CPPED1: variants seen among roughly 807,000 people sequenced by gnomAD.
The protein encoded by CPPED1 is serine/threonine-protein phosphatase CPPED1.
Under a neutral mutation model 28.0 loss-of-function variants are expected in CPPED1, and 28 were observed. The ratio of observed to expected loss-of-function variants is 1.00; its 90% CI spans 0.74 to 1.37. The LOEUF (loss-of-function observed/expected upper bound fraction) is 1.37, where lower values mean the gene tolerates loss of function less well. CPPED1 is among the 40% of genes most tolerant of loss of function. The pLI, the probability that CPPED1 is intolerant of heterozygous loss-of-function variation, is 0.00. For synonymous variants in CPPED1, 198 were observed against 180.2 expected, an observed-to-expected ratio of 1.10 and a Z score of -0.79; for missense variants, 504 against 416.5, an observed-to-expected ratio of 1.21 and a Z score of -1.83.
chr16:12,665,050 T>C lies in CPPED1; in HGVS notation c.781A>G (p.Met261Val). 6.2e-7 allele frequency: 1 copy of C among 1,610,142 alleles called. No homozygotes were observed. The highest frequency in any genetic ancestry group is 8.5e-7 in the Non-Finnish European group (1 of 1,178,818). Reference sequence around the variant, plus strand: ...CATCCAATGGCAGATGACACCACCATGTCGAGGTTCTGGTAGGTACCCCCG... The same window carrying C: ...CATCCAATGGCAGATGACACCACCACGTCGAGGTTCTGGTAGGTACCCCCG... The part of the protein sequence containing the change: ...NAGGTYQNLD[M>V]VVSSAIGCQL... The change falls in exon 4 of 4, where the codon ATG becomes GTG. Residue 261 changes from methionine to valine, a missense_variant. By Grantham distance (21) the Met-to-Val change is conservative. Coordinates refer to ENST00000381774, the MANE Select transcript of CPPED1 (RefSeq NM_018340.3).
chr16:12,707,382 C>T (rs2080057016), intron 2 of CPPED1, among the ~76,000 whole-genome samples: 1 of 152,108 alleles, frequency 6.6e-6, no homozygotes, highest in Non-Finnish European at 1.5e-5. Flanking sequence ...CTCTGGACAC[C>T]CAGTGGAGGA....
In CPPED1 at chr16:12,681,454, A is replaced by G. The variant is rs182848913; in HGVS notation, c.716-16339T>C. ...TGTAAAAAATCAATCTCTGTTCTTT[A>G]TAAATTACCCAGGCTCAGGTATTCT... is the stretch of plus-strand genomic sequence containing the variant. On this transcript the variant is annotated intron_variant, in intron 3 of 3. Coordinates refer to ENST00000381774, the MANE Select transcript of CPPED1 (RefSeq NM_018340.3). 2.0e-5 allele frequency among the ~76,000 whole-genome samples: 3 copies of G among 152,316 alleles called. No homozygotes were observed. The East Asian group carries it at 5.8e-4, about 29-fold the overall frequency.
At chr16:12,674,084 C>T (rs1263397244) in intron 3 of CPPED1, among the ~76,000 whole-genome samples, 1 of 152,072 alleles carries the variant, frequency 6.6e-6, no homozygotes, top group Non-Finnish European at 1.5e-5. Context: ...ATGAGAGAAA[C>T]TACTAGTGAG....
chr16:12,773,316 T>C (rs7188368), intron 2 of CPPED1, among the ~76,000 whole-genome samples: 2,784 of 152,332 alleles, frequency 0.018, 79 homozygotes, highest in African/African-American at 0.064. Flanking sequence ...CTTTAAATGC[T>C]GAGCATGTGT....
At chr16:12,668,799 C>G (rs780817960) in intron 3 of CPPED1, among the ~76,000 whole-genome samples, 1 of 152,200 alleles carries the variant, frequency 6.6e-6, no homozygotes, top group Non-Finnish European at 1.5e-5. Flanking sequence ...CATAGCCACT[C>G]GGATGGCTGT....
chr16:12,763,807 G>C (rs1317786896), intron 2 of CPPED1, among the ~76,000 whole-genome samples: 1 of 152,158 alleles, frequency 6.6e-6, no homozygotes, highest in African/African-American at 2.4e-5. Context: ...GTTCTGGCAG[G>C]ACTTCGGACA....
At chr16:12,781,448 T>A (rs2080531470) in intron 1 of CPPED1, 45 bp from the exon 2 acceptor site, 1 of 1,578,496 alleles carries the variant, frequency 6.3e-7, no homozygotes, top group Non-Finnish European at 8.6e-7. Flanking sequence ...TCTTGTAAAA[T>A]CTGTCATAAA....
At chr16:12,668,360 G>T (rs2079836645) in intron 3 of CPPED1, among the ~76,000 whole-genome samples, 2 of 152,094 alleles carry the variant, frequency 1.3e-5, no homozygotes, top group African/African-American at 4.8e-5. Context: ...GAGTTTGGTG[G>T]AAACTTAAAG....
chr16:12,684,135 G>A (rs2079920427), intron 3 of CPPED1, among the ~76,000 whole-genome samples: 2 of 152,184 alleles, frequency 1.3e-5, no homozygotes, highest in South Asian at 4.1e-4. Context: ...AGCCTGCCAT[G>A]CTAGTGCCCT....
chr16:12,717,486 A>C lies in CPPED1; in HGVS notation c.290-12437T>G, dbSNP rs912721035. On this transcript the variant is annotated intron_variant, in intron 2 of 3. Transcript: ENST00000381774. ...TCACCGTGTTAGCCAGGATGGTCTC[A>C]ATCTCCTGACCTCGTGACCTGCCTG... Among the ~76,000 whole-genome samples, 3 of 152,204 alleles carry C rather than the reference A, an allele frequency of 2.0e-5. No individual in the cohort carries two copies. The East Asian group carries it at 5.8e-4, about 29-fold the overall frequency.
chr16:12,785,655 T>G (rs898889047), intron 1 of CPPED1, among the ~76,000 whole-genome samples: 28 of 152,078 alleles, frequency 1.8e-4, no homozygotes, highest in Admixed American at 1.8e-3. Context: ...CTCAAGCTCC[T>G]GGCCTCAAAT....
intron 2 of CPPED1, among the ~76,000 whole-genome samples, chr16:12,769,352 T>C (rs944415856): frequency 2.0e-4 from 31 of 152,118 alleles, no homozygotes; most frequent in Admixed American, 1.6e-3. Context: ...TTAGAAATAT[T>C]ATTCTGAGAT....
chr16:12,687,231 C>T (rs569847218), intron 3 of CPPED1, among the ~76,000 whole-genome samples: 2 of 152,068 alleles, frequency 1.3e-5, no homozygotes, highest in East Asian at 1.9e-4. Context: ...TTAAAAGATA[C>T]GGTGACTACA....
chr16:12,775,536 A>G (rs1202809706), intron 2 of CPPED1, among the ~76,000 whole-genome samples: 2 of 152,074 alleles, frequency 1.3e-5, no homozygotes, highest in Non-Finnish European at 2.9e-5. Context: ...AGCATACTGG[A>G]TTTTCAGATT....
chr16:12,704,957 G>C lies in CPPED1; in HGVS notation c.382C>G (p.His128Asp). ...GCCGTGGGGGTGTTGCCAATGTCAT[G>C]GTTGCCGCTGACAAGGACCAGTGGG... ...AIPLVLVSGN[H>D]DIGNTPTAET... Residue 128 changes from histidine to aspartate, a missense_variant, in exon 3 of 4, where the codon CAT becomes GAT. By Grantham distance (81) the His-to-Asp change is moderately conservative (BLOSUM62 -1). Coordinates refer to ENST00000381774, the MANE Select transcript of CPPED1 (RefSeq NM_018340.3). The C allele has an allele frequency of 6.2e-7, 1 of 1,614,196 alleles. No homozygotes were observed. Among genetic ancestry groups the C allele is most frequent in the Non-Finnish European group, 8.5e-7 (1 of 1,180,028 alleles).
chr16:12,685,865 T>C (rs2079930059), intron 3 of CPPED1, among the ~76,000 whole-genome samples: 1 of 152,240 alleles, frequency 6.6e-6, no homozygotes. Flanking sequence ...GTTATGTTTC[T>C]TTTAAAAAGT....
At chr16:12,712,082 G>T (rs1307713526) in intron 2 of CPPED1, among the ~76,000 whole-genome samples, 1 of 152,176 alleles carries the variant, frequency 6.6e-6, no homozygotes, top group African/African-American at 2.4e-5. Context: ...TCCTAGCCCA[G>T]AGCTCACGTT....
At position 12,704,755 on chromosome 16, in the gene CPPED1, C is replaced by A; in HGVS notation, c.584G>T (p.Arg195Leu). The change falls in exon 3 of 4, where the codon CGG becomes CTG. Residue 195 changes from arginine (R) to leucine (L), a missense_variant. Physicochemically the swap from Arg to Leu is moderately radical, Grantham distance 102. Coordinates refer to ENST00000381774, the MANE Select transcript of CPPED1 (RefSeq NM_018340.3). ...GAAGACGATGGCATGCTGGCAGTGC[C>A]GCTGCCTCGCGATGCTCAGCTGCTC... ...LDEQLSIARQRHCQHAIVFQH... is the reference protein window; with the variant it reads ...LDEQLSIARQLHCQHAIVFQH... 1 of 1,614,174 alleles carries A rather than the reference C, an allele frequency of 6.2e-7. No individual in the cohort carries two copies. The highest frequency in any genetic ancestry group is 8.5e-7 in the Non-Finnish European group (1 of 1,180,024).
intron 2 of CPPED1, among the ~76,000 whole-genome samples, chr16:12,725,648 G>C (rs377067878): frequency 1.2e-4 from 18 of 152,184 alleles, no homozygotes; most frequent in Non-Finnish European, 2.2e-4. Flanking sequence ...GAACTGATTT[G>C]TCAAAAGGAC....
Sources: gnomAD v4.1 joint callset for allele counts (sites outside exome capture counted in the v4.1 genomes callset) on GRCh38, gnomAD v4.1.1 for gene constraint, MANE v1.5 for transcripts, NCBI Gene and HGNC (gene_info 2026-07-23, HGNC 2026-07-21) for gene names.